Variants in GLYR1 observed in about 807,000 individuals in gnomAD.
The protein encoded by GLYR1 is cytokine-like nuclear factor N-PAC.
GLYR1 carries 21 observed loss-of-function variants against 72.7 expected under a neutral mutation model. The ratio of observed to expected loss-of-function variants is 0.29; its 90% CI spans 0.20 to 0.42. GLYR1 has a LOEUF of 0.42. Among genes scored for constraint, GLYR1 ranks in the 10% least tolerant of loss-of-function variants. The pLI is 1.00. For missense variants in GLYR1, 594 were observed against 712.1 expected (o/e 0.83, Z 1.89); for synonymous variants, 392 against 270.2 (o/e 1.45, Z -4.42).
chr16:4,814,722 T>G, intron 10 of GLYR1, 75 bp from the exon 11 acceptor site: 2 of 1,190,238 alleles, frequency 1.7e-6, no homozygotes, highest in Non-Finnish European at 2.5e-6. Context: ...AGAGAATTGC[T>G]GACCAGGCCT....
At chr16:4,833,715 T>C (rs938981744) in intron 3 of GLYR1, among the ~76,000 whole-genome samples, 1 of 152,114 alleles carries the variant, frequency 6.6e-6, no homozygotes, top group African/African-American at 2.4e-5. Flanking sequence ...GATATGTAAT[T>C]TTTAATTTCA....
intron 3 of GLYR1, among the ~76,000 whole-genome samples, chr16:4,838,958 T>C (rs904910320): frequency 1.3e-5 from 2 of 152,068 alleles, no homozygotes; most frequent in Non-Finnish European, 2.9e-5. Context: ...TCAATCACAG[T>C]TCACTGTAGC....
At chr16:4,835,762 C>T (rs1000377974) in intron 3 of GLYR1, among the ~76,000 whole-genome samples, 3 of 152,080 alleles carry the variant, frequency 2.0e-5, no homozygotes, top group African/African-American at 4.8e-5. Flanking sequence ...ACCCAGGAGG[C>T]GGAGGTTGCA....
At position 4,822,880 on chromosome 16, in the gene GLYR1, C is replaced by G; in HGVS notation, c.676G>C (p.Glu226Gln). 1 of 1,614,116 alleles carries G rather than the reference C, an allele frequency of 6.2e-7. No homozygotes were observed. Among genetic ancestry groups the G allele is most frequent in the Non-Finnish European group, 8.5e-7 (1 of 1,179,928 alleles). The change falls in exon 7 of 16, where the codon GAG (glutamate) becomes CAG (glutamine). Residue 226 changes from glutamate to glutamine, a missense_variant. By Grantham distance (29) the Glu-to-Gln change is conservative (BLOSUM62 2). Coordinates refer to ENST00000321919, the MANE Select transcript of GLYR1 (RefSeq NM_032569.4). ...HFHHFLLSQT[E>Q]KPAVCYQAIT... is the part of the protein sequence containing the mutation. ...GAGCCTCAAAGGCAACTCACCTTCT[C>G]TGTTTGGCTTAGCAGGAAATGATGG...
chr16:4,805,791 C>T (rs1390974260), intron 15 of GLYR1, among the ~76,000 whole-genome samples: 2 of 151,848 alleles, frequency 1.3e-5, no homozygotes, highest in African/African-American at 4.8e-5. Context: ...GCCTGGTGAC[C>T]GTCGTGAAAC....
chr16:4,829,426 T>C (rs1030889407), intron 5 of GLYR1, among the ~76,000 whole-genome samples: 5 of 151,156 alleles, frequency 3.3e-5, no homozygotes, highest in Non-Finnish European at 7.4e-5. Context: ...CCACCCCAGC[T>C]TCCCAAGTAG....
intron 12 of GLYR1, among the ~76,000 whole-genome samples, chr16:4,812,862 T>C (rs2083403532): frequency 6.6e-6 from 1 of 151,466 alleles, no homozygotes. Flanking sequence ...AGTGGCGCAA[T>C]CTCAGCTCAC....
chr16:4,828,561 G>A (rs991376345), intron 5 of GLYR1, among the ~76,000 whole-genome samples: 1 of 152,014 alleles, frequency 6.6e-6, no homozygotes, highest in African/African-American at 2.4e-5. Context: ...AGGGCTGTCT[G>A]CAGTTTATTG....
chr16:4,843,361 G>A (rs949144400), intron 3 of GLYR1: 28 of 600,448 alleles, frequency 4.7e-5, no homozygotes, highest in African/African-American at 4.4e-4. Context: ...TGCCATGTTG[G>A]CCAGGATGGT....
At chr16:4,812,834 T>C (rs2083400577) in intron 12 of GLYR1, among the ~76,000 whole-genome samples, 1 of 151,166 alleles carries the variant, frequency 6.6e-6, no homozygotes, top group Non-Finnish European at 1.5e-5. Flanking sequence ...TCTTGCTCTG[T>C]TGCCCAGGCT....
intron 5 of GLYR1, among the ~76,000 whole-genome samples, chr16:4,830,737 T>C (rs1302324622): frequency 6.6e-6 from 1 of 152,210 alleles, no homozygotes; most frequent in African/African-American, 2.4e-5. Context: ...TCTGTGGCCT[T>C]GTAAGACCGG....
intron 3 of GLYR1, among the ~76,000 whole-genome samples, chr16:4,838,526 C>G (rs969604012): frequency 6.6e-6 from 1 of 152,112 alleles, no homozygotes; most frequent in African/African-American, 2.4e-5. Flanking sequence ...GGCTTCTAAG[C>G]ACCTGTAATT....
At chr16:4,806,521 C>G (rs545498047) in intron 15 of GLYR1, among the ~76,000 whole-genome samples, 3 of 151,762 alleles carry the variant, frequency 2.0e-5, no homozygotes, top group African/African-American at 4.8e-5. Flanking sequence ...CTCGCCACCA[C>G]GCCCAGCTAG....
intron 3 of GLYR1, among the ~76,000 whole-genome samples, chr16:4,837,931 A>AT (rs1294475921): frequency 3.9e-5 from 5 of 129,066 alleles, no homozygotes; most frequent in African/African-American, 1.4e-4. Flanking sequence ...CTCCATCTCA[A>AT]AAAATAAATA....
Position 4,834,376 on chromosome 16 carries a change from C to T in GLYR1, c.156-1464G>A, listed in dbSNP as rs531437435. ...AGTGCAATGGGGCGATGTTGGCTCA[C>T]GGCAACCTCGCCTCCTAGGTTCAAG... On this transcript the variant is annotated intron_variant, in intron 3 of 15. Coordinates refer to ENST00000321919, the MANE Select transcript of GLYR1 (RefSeq NM_032569.4). 5.3e-5 allele frequency among the ~76,000 whole-genome samples: 8 copies of T among 149,614 alleles called. No individual in the cohort carries two copies. In the South Asian group the frequency reaches 1.5e-3, roughly 28 times the overall value.
rs566296877 is a variant in GLYR1, at chr16:4,805,161, C to A, written c.*75G>T. On this transcript the variant is annotated 3_prime_UTR_variant, in exon 16 of 16. Transcript: ENST00000321919. The stretch of plus-strand genomic sequence containing the variant: ...AGGTGGGCTGGTCCAGAATGAACTC[C>A]CAGGCCCCCGACCCCATGTGAGGAA... 4.7e-4 allele frequency: 606 copies of A among 1,295,856 alleles called. 9 individuals carry two copies. The South Asian group carries it at 5.3e-3, about 11-fold the overall frequency. The allele number at this position is 1,295,856 out of a possible 1,614,324, so 80.3% of individuals were successfully genotyped here. A position where few individuals can be genotyped will look rare whatever the true frequency, so the allele number is the denominator to read the frequency against.
At chr16:4,812,295 C>A (rs1326525875) in intron 12 of GLYR1, 47 bp from the exon 13 acceptor site, 2 of 1,578,656 alleles carry the variant, frequency 1.3e-6, no homozygotes, top group Admixed American at 1.7e-5. Flanking sequence ...TCTCCCAGCG[C>A]TCTCTGGGCA....
rs771680115 is a variant in GLYR1, at chr16:4,814,517, G to A, written c.1017+20C>T. 16 of 1,591,516 alleles carry A rather than the reference G, an allele frequency of 1.0e-5. No individual in the cohort carries two copies. In the African/African-American group the frequency reaches 1.2e-4, roughly 12 times the overall value. On this transcript the variant is annotated intron_variant, in intron 11 of 15. Transcript: ENST00000321919. ...CTGGCTGTGACCCGGAGTTGCTGAGGGGAGGGAGGGGGTCCTTACGTCCTT... is the reference window on the plus strand; with the variant it reads ...CTGGCTGTGACCCGGAGTTGCTGAGAGGAGGGAGGGGGTCCTTACGTCCTT...
chr16:4,844,299 G>A (rs1445087657), intron 3 of GLYR1, among the ~76,000 whole-genome samples: 3 of 151,970 alleles, frequency 2.0e-5, no homozygotes, highest in Admixed American at 6.6e-5. Context: ...CCCCAACTTA[G>A]GACAGATCTG....
Sources: gnomAD v4.1 joint callset for allele counts (sites outside exome capture counted in the v4.1 genomes callset) on GRCh38, gnomAD v4.1.1 for gene constraint, MANE v1.5 for transcripts, NCBI Gene and HGNC (gene_info 2026-07-23, HGNC 2026-07-21) for gene names.